Variants in HEPHL1 observed in about 807,000 individuals in gnomAD.
The protein encoded by HEPHL1 is hephaestin like 1.
In HEPHL1, 123 loss-of-function variants were observed where a neutral mutation model predicts 122.0. The observed-to-expected ratio is 1.01, with a 90% confidence interval of 0.87 to 1.17. HEPHL1 has a LOEUF of 1.17. Among genes scored for constraint, HEPHL1 ranks in the 50% most tolerant of loss-of-function variants. The probability of loss-of-function intolerance (pLI) is 0.00; values close to 1 mark genes in which losing one functional copy is unlikely to be tolerated. For missense variants in HEPHL1, 1,452 were observed against 1,430.5 expected (o/e 1.01, Z -0.24); for synonymous variants, 527 against 508.9 (o/e 1.04, Z -0.48).
At chr11:94,037,183 C>T (rs969677436) in intron 1 of HEPHL1, among the ~76,000 whole-genome samples, 4 of 148,476 alleles carry the variant, frequency 2.7e-5, no homozygotes, top group African/African-American at 9.8e-5. Flanking sequence ...CGGCGCACCA[C>T]GAGATTATAT....
chr11:94,094,207 T>C (rs1409408325), intron 13 of HEPHL1, among the ~76,000 whole-genome samples: 2 of 151,522 alleles, frequency 1.3e-5, no homozygotes, highest in African/African-American at 4.9e-5. Flanking sequence ...GTCCAAATGT[T>C]CTCATTGTTC....
chr11:94,026,084 A>G (rs923600731), intron 1 of HEPHL1, among the ~76,000 whole-genome samples: 3 of 152,162 alleles, frequency 2.0e-5, no homozygotes, highest in Non-Finnish European at 4.4e-5. Context: ...GGCTTTCTGT[A>G]TTTCTGATCC....
intron 1 of HEPHL1, among the ~76,000 whole-genome samples, chr11:94,041,878 T>A (rs1945783782): frequency 3.4e-5 from 2 of 58,358 alleles, no homozygotes; most frequent in Non-Finnish European, 6.4e-5. Flanking sequence ...ACAAATGGGA[T>A]CTAATTAAAC....
At chr11:94,023,732 C>T (rs913204319) in intron 1 of HEPHL1, among the ~76,000 whole-genome samples, 2 of 152,038 alleles carry the variant, frequency 1.3e-5, no homozygotes, top group African/African-American at 2.4e-5. Context: ...TTCTGGTATG[C>T]GAAGGGACAG....
At chr11:94,096,420 G>T (rs1413344892) in intron 13 of HEPHL1, among the ~76,000 whole-genome samples, 1 of 152,306 alleles carries the variant, frequency 6.6e-6, no homozygotes, top group Non-Finnish European at 1.5e-5. Context: ...GGATTCGTTT[G>T]CCAGTATTTT....
chr11:94,042,883 A>AAAAAACAAAAAACAAAG (rs11271749), intron 1 of HEPHL1, among the ~76,000 whole-genome samples: 2 of 132,398 alleles, frequency 1.5e-5, no homozygotes, highest in African/African-American at 2.8e-5. Context: ...AATAAAAAAA[A>AAAAAACAAAAAACAAAG]AAAAAAAAAA....
Position 94,104,551 on chromosome 11 carries a change from T to A in HEPHL1, c.2706T>A (p.Gly902=). The part of the protein sequence containing the change: ...FVKDTYSGLM[G]PLITCRKGVL... The stretch of plus-strand genomic sequence containing the variant: ...AGGATACGTATAGTGGTTTGATGGG[T>A]CCTCTGATTACATGCCGAAAAGGAG... Residue 902 remains glycine (G), a synonymous_variant, in exon 16 of 20, where the codon GGT becomes GGA. Transcript: ENST00000315765. The A allele has an allele frequency of 6.2e-7, 1 of 1,613,340 alleles. No individual in the cohort carries two copies. Among genetic ancestry groups the A allele is most frequent in the Non-Finnish European group, 8.5e-7 (1 of 1,179,322 alleles).
At chr11:94,075,459 A>G in intron 9 of HEPHL1, 74 bp downstream of exon 9, 1 of 1,095,762 alleles carries the variant, frequency 9.1e-7, no homozygotes, top group East Asian at 2.4e-5. Context: ...GAGACGAGAC[A>G]GGAATAGTCA....
At chr11:94,072,935 G>T in intron 6 of HEPHL1, 90 bp from the exon 7 acceptor site, 1 of 1,242,148 alleles carries the variant, frequency 8.1e-7, no homozygotes, top group Non-Finnish European at 1.1e-6. Context: ...TGGGCGAGTG[G>T]ACTAAAAGTG....
intron 11 of HEPHL1, among the ~76,000 whole-genome samples, chr11:94,086,980 T>C (rs1946223919): frequency 6.6e-6 from 1 of 152,212 alleles, no homozygotes; most frequent in African/African-American, 2.4e-5. Flanking sequence ...CTAATGGATG[T>C]TCTACTTCTT....
intron 6 of HEPHL1, among the ~76,000 whole-genome samples, chr11:94,071,910 G>C (rs1180188323): frequency 2.6e-5 from 4 of 152,102 alleles, no homozygotes; most frequent in Non-Finnish European, 5.9e-5. Flanking sequence ...GAACAGATGA[G>C]ACTGCAGTAA....
chr11:94,088,678 G>A, intron 11 of HEPHL1, 77 bp from the exon 12 acceptor site: 3 of 1,069,336 alleles, frequency 2.8e-6, no homozygotes, highest in Non-Finnish European at 4.1e-6. Flanking sequence ...AATAAAATAT[G>A]CAGGTTTGCT....
chr11:94,073,584 C>A, intron 8 of HEPHL1, 145 bp downstream of exon 8: 1 of 764,382 alleles, frequency 1.3e-6, no homozygotes, highest in Non-Finnish European at 2.1e-6. Context: ...ACCTGATTCT[C>A]TCCTGTCAAA....
chr11:94,067,604 T>G lies in HEPHL1; in HGVS notation c.917T>G (p.Ile306Ser). The G allele has an allele frequency of 1.9e-6, 3 of 1,613,808 alleles. No homozygotes were observed. Among genetic ancestry groups the G allele is most frequent in the Non-Finnish European group, 2.5e-6 (3 of 1,179,728 alleles). Residue 306 changes from isoleucine to serine, a missense_variant, in exon 5 of 20, where the codon ATC becomes AGC. Ile to Ser is a moderately radical substitution (Grantham distance 142, BLOSUM62 -2). Coordinates refer to ENST00000315765, the MANE Select transcript of HEPHL1 (RefSeq NM_001098672.2). ...GGGAATGAAATAGACATCCATTCTA[T>G]CTATTTCTATGGTAACACCTTCATC... ...GMGNEIDIHS[I>S]YFYGNTFISR...
intron 12 of HEPHL1, 113 bp downstream of exon 12, chr11:94,089,081 G>A (rs1201585875): frequency 9.3e-6 from 9 of 970,682 alleles, no homozygotes; most frequent in East Asian, 4.9e-5. Context: ...AGTTCCGGCC[G>A]ACAGAGACTT....
rs1247818910 is a variant in HEPHL1, at chr11:94,110,949, C to T, written c.3092C>T (p.Thr1031Ile). The change falls in exon 18 of 20, where the codon ACA becomes ATA. Residue 1031 changes from threonine to isoleucine, a missense_variant. By Grantham distance (89) the Thr-to-Ile change is moderately conservative. Transcript: ENST00000315765. ...GATGTGTATGATCTCTTTCCTGGGA[C>T]ATTCCAAACCATTGAACTGTTTGCA... ...REDVYDLFPG[T>I]FQTIELFADH... 3 of 1,612,940 alleles carry T rather than the reference C, an allele frequency of 1.9e-6. No individual in the cohort carries two copies. The highest frequency in any genetic ancestry group is 1.3e-5 in the African/African-American group (1 of 74,870).
In HEPHL1 at chr11:94,112,978, C is replaced by G. The variant is rs1390519280; in HGVS notation, c.*1084C>G. On this transcript the variant is annotated 3_prime_UTR_variant, in exon 20 of 20. Transcript: ENST00000315765. ...AGATTCTATGGCTTTTAAAGACATA[C>G]CTCTTCATGGAAGGAGAAAAAAGGA... is the stretch of plus-strand genomic sequence containing the variant. The G allele has an allele frequency of 6.6e-6, 1 of 151,986 alleles. No individual in the cohort carries two copies. Among genetic ancestry groups the G allele is most frequent in the African/African-American group, 2.4e-5 (1 of 41,362 alleles). 9.4% of individuals were successfully genotyped at this position (151,986 alleles called of 1,614,324 possible).
At chr11:94,022,328 A>G (rs972984091) in intron 1 of HEPHL1, among the ~76,000 whole-genome samples, 9 of 152,190 alleles carry the variant, frequency 5.9e-5, no homozygotes, top group African/African-American at 2.2e-4. Flanking sequence ...CTTTGTGGTT[A>G]TTAGAACATC....
intron 2 of HEPHL1, among the ~76,000 whole-genome samples, chr11:94,061,593 A>C (rs1945985437): frequency 6.6e-6 from 1 of 152,082 alleles, no homozygotes; most frequent in Non-Finnish European, 1.5e-5. Flanking sequence ...AGCTCTCTGG[A>C]TTTTTTCCTA....
Sources: gnomAD v4.1 joint callset for allele counts (sites outside exome capture counted in the v4.1 genomes callset) on GRCh38, gnomAD v4.1.1 for gene constraint, MANE v1.5 for transcripts, NCBI Gene and HGNC (gene_info 2026-07-23, HGNC 2026-07-21) for gene names.